Variants in SLC4A7 observed in about 807,000 individuals in gnomAD.
The protein encoded by SLC4A7 is solute carrier family 4 member 7.
Under a neutral mutation model 137.6 loss-of-function variants are expected in SLC4A7, and 51 were observed. The ratio of observed to expected loss-of-function variants is 0.37; its 90% CI spans 0.30 to 0.47. SLC4A7 has a LOEUF of 0.47. SLC4A7 is among the 20% of genes least tolerant of loss of function. The pLI is 1.00. For missense variants in SLC4A7, 1,247 were observed against 1,525.4 expected (o/e 0.82, Z 3.04); for synonymous variants, 542 against 518.6 (o/e 1.05, Z -0.61).
At position 27,480,594 on chromosome 3, in the gene SLC4A7, T is replaced by G. The variant is rs1352094136; in HGVS notation, c.60+3473A>C. On this transcript the variant is annotated intron_variant, in intron 1 of 25. Coordinates refer to ENST00000454389, the MANE Select transcript of SLC4A7 (RefSeq NM_001321103.2). ...AACTCCATGGATTGCGGCCCAGAGA[T>G]ACTTAGAATAAGGCAAAAGGGTAAC... Among the ~76,000 whole-genome samples, 4 of 152,112 alleles carry G rather than the reference T, an allele frequency of 2.6e-5. No homozygotes were observed. The East Asian group carries it at 7.7e-4, about 29-fold the overall frequency.
At chr3:27,377,395 T>C (rs1024577936) in intron 25 of SLC4A7, among the ~76,000 whole-genome samples, 1 of 152,164 alleles carries the variant, frequency 6.6e-6, no homozygotes, top group Non-Finnish European at 1.5e-5. Context: ...TTGAAATATA[T>C]ATATGTTTTT....
intron 1 of SLC4A7, among the ~76,000 whole-genome samples, chr3:27,470,097 T>C (rs934901447): frequency 5.3e-5 from 8 of 152,344 alleles, no homozygotes; most frequent in Non-Finnish European, 8.8e-5. Context: ...ATTGGCTCAA[T>C]TGCCATAGCA....
intron 7 of SLC4A7, among the ~76,000 whole-genome samples, chr3:27,426,784 G>A (rs2150340348): frequency 6.6e-6 from 1 of 152,236 alleles, no homozygotes; most frequent in East Asian, 1.9e-4. Context: ...ATTATGATTT[G>A]TGTAGTCTTT....
At chr3:27,419,946 T>TG (rs1218411497) in intron 10 of SLC4A7, among the ~76,000 whole-genome samples, 1 of 151,822 alleles carries the variant, frequency 6.6e-6, no homozygotes, top group East Asian at 2.0e-4. Flanking sequence ...CCCAGCACTT[T>TG]GGGAGGCCGA....
intron 7 of SLC4A7, among the ~76,000 whole-genome samples, chr3:27,425,226 C>A (rs894926308): frequency 6.6e-6 from 1 of 151,672 alleles, no homozygotes; most frequent in African/African-American, 2.4e-5. Flanking sequence ...CAAAATAAGC[C>A]GGGCGTGATG....
intron 7 of SLC4A7, among the ~76,000 whole-genome samples, chr3:27,425,934 G>C (rs982230943): frequency 9.9e-5 from 15 of 152,060 alleles, no homozygotes; most frequent in Admixed American, 3.3e-4. Context: ...GCAACACATG[G>C]AAGTTCAGTT....
intron 11 of SLC4A7, among the ~76,000 whole-genome samples, chr3:27,418,012 T>G (rs2054561200): frequency 6.6e-6 from 1 of 152,100 alleles, no homozygotes; most frequent in Non-Finnish European, 1.5e-5. Context: ...TACAGATACA[T>G]CTGCAAAAGA....
Position 27,404,147 on chromosome 3 carries a change from G to A in SLC4A7, c.2075+683C>T, listed in dbSNP as rs536716676. ...AAACTTGGGGAGGCCGAGGCAGGTG[G>A]AACACTTGAGGTCAGTTCGAGACCA... is the stretch of plus-strand genomic sequence containing the variant. On this transcript the variant is annotated intron_variant, in intron 14 of 25. Transcript: ENST00000454389. Among the ~76,000 whole-genome samples the A allele has an allele frequency of 3.3e-5, 5 of 152,358 alleles. No homozygotes were observed. The East Asian group carries it at 9.6e-4, about 29-fold the overall frequency.
intron 16 of SLC4A7, among the ~76,000 whole-genome samples, chr3:27,400,389 A>C (rs1348732267): frequency 6.6e-6 from 1 of 152,212 alleles, no homozygotes; most frequent in African/African-American, 2.4e-5. Context: ...ACAGATAAAA[A>C]GGCAGGACAA....
chr3:27,425,632 C>T (rs1312890546), intron 7 of SLC4A7, among the ~76,000 whole-genome samples: 1 of 125,226 alleles, frequency 8.0e-6, no homozygotes, highest in Non-Finnish European at 1.6e-5. Flanking sequence ...GCCAAGATTG[C>T]ACCATTGCAC....
chr3:27,451,900 T>C (rs1359806589), intron 2 of SLC4A7, among the ~76,000 whole-genome samples: 1 of 152,152 alleles, frequency 6.6e-6, no homozygotes, highest in African/African-American at 2.4e-5. Flanking sequence ...GCAGCTATTC[T>C]GTAAATCTAA....
At chr3:27,418,370 G>A (rs1433242766) in intron 11 of SLC4A7, 116 bp downstream of exon 11, 2 of 747,260 alleles carry the variant, frequency 2.7e-6, no homozygotes, top group Non-Finnish European at 4.4e-6. Flanking sequence ...GGGTAAGAAG[G>A]TAAACAGGAC....
At chr3:27,396,896 T>A (rs564371790) in intron 18 of SLC4A7, among the ~76,000 whole-genome samples, 86 of 152,350 alleles carry the variant, frequency 5.6e-4, no homozygotes, top group African/African-American at 1.9e-3. Context: ...TCATTTTTCT[T>A]ATAGAACACA....
intron 23 of SLC4A7, among the ~76,000 whole-genome samples, chr3:27,385,202 A>C (rs1351784417): frequency 6.6e-6 from 1 of 152,176 alleles, no homozygotes; most frequent in African/African-American, 2.4e-5. Context: ...AAAATGGAGC[A>C]AGGAACTACA....
At chr3:27,409,776 G>C (rs1429770060) in intron 12 of SLC4A7, among the ~76,000 whole-genome samples, 1 of 152,142 alleles carries the variant, frequency 6.6e-6, no homozygotes, top group African/African-American at 2.4e-5. Flanking sequence ...AAGACTGCAG[G>C]CAAATGATTT....
At chr3:27,430,576 T>C (rs1334218774) in intron 7 of SLC4A7, among the ~76,000 whole-genome samples, 1 of 139,988 alleles carries the variant, frequency 7.1e-6, no homozygotes, top group South Asian at 2.3e-4. Context: ...GCTGAGATCA[T>C]GCCAGCCTCC....
At chr3:27,456,963 C>G in intron 1 of SLC4A7, 1 of 982,706 alleles carries the variant, frequency 1.0e-6, no homozygotes, top group East Asian at 1.1e-4. Flanking sequence ...AATCCGTTTT[C>G]AACTGAAACC....
chr3:27,413,515 C>T (rs898027486), intron 11 of SLC4A7, among the ~76,000 whole-genome samples: 7 of 152,278 alleles, frequency 4.6e-5, no homozygotes, highest in Admixed American at 4.6e-4. Flanking sequence ...AGACCACTAC[C>T]ACTTTAAAGT....
chr3:27,465,755 C>A (rs1437423927), intron 1 of SLC4A7, among the ~76,000 whole-genome samples: 1 of 151,490 alleles, frequency 6.6e-6, no homozygotes, highest in Non-Finnish European at 1.5e-5. Context: ...ATCAGGAGAT[C>A]GAAACCACCC....
Sources: gnomAD v4.1 joint callset for allele counts (sites outside exome capture counted in the v4.1 genomes callset) on GRCh38, gnomAD v4.1.1 for gene constraint, MANE v1.5 for transcripts, NCBI Gene and HGNC (gene_info 2026-07-23, HGNC 2026-07-21) for gene names.